The following WWP2 variants were observed in gnomAD, a reference collection of about 807,000 sequenced individuals.
WWP2 encodes NEDD4-like E3 ubiquitin-protein ligase WWP2.
A neutral mutation model predicts 121.0 loss-of-function variants in WWP2; 57 were observed. That is an observed-to-expected ratio of 0.47 (90% CI 0.38 to 0.59). WWP2 has a LOEUF of 0.59. Among genes scored for constraint, WWP2 ranks in the 20% least tolerant of loss-of-function variants. WWP2 has a pLI of 0.00. For synonymous variants in WWP2, 449 were observed against 441.3 expected, an observed-to-expected ratio of 1.02 and a Z score of -0.22; for missense variants, 962 against 1,158.9, an observed-to-expected ratio of 0.83 and a Z score of 2.47.
chr16:69,814,018 A>G (rs574997427), intron 4 of WWP2, among the ~76,000 whole-genome samples: 4 of 152,334 alleles, frequency 2.6e-5, no homozygotes, highest in African/African-American at 9.6e-5. Flanking sequence ...TGGCACAAGC[A>G]TCTCCAGGAA....
In WWP2 at chr16:69,871,719, A is replaced by C; in HGVS notation, c.576-85A>C. On this transcript the variant is annotated intron_variant, in intron 6 of 23. Transcript: ENST00000359154. ...CTTGTTTCCAATAAATGGCAGGAGA[A>C]GGGAATATGATGACTTAGGTAGGAA... 2.6e-6 allele frequency: 4 copies of C among 1,558,492 alleles called. No homozygotes were observed. In the South Asian group the frequency reaches 3.6e-5, roughly 14 times the overall value.
At chr16:69,900,218 G>A (rs950715590) in intron 8 of WWP2, among the ~76,000 whole-genome samples, 1 of 152,152 alleles carries the variant, frequency 6.6e-6, no homozygotes, top group Non-Finnish European at 1.5e-5. Flanking sequence ...ACATAATAAA[G>A]GTTTTTTGGC....
chr16:69,891,306 C>A (rs1446941014), intron 8 of WWP2, among the ~76,000 whole-genome samples: 4 of 152,148 alleles, frequency 2.6e-5, no homozygotes, highest in African/African-American at 9.7e-5. Flanking sequence ...AGTCAGGGGA[C>A]CAATGAGAGA....
At chr16:69,936,112 G>A in intron 18 of WWP2, 126 bp downstream of exon 18, 1 of 1,477,824 alleles carries the variant, frequency 6.8e-7, no homozygotes, top group East Asian at 2.3e-5. Flanking sequence ...GCCTCTATAA[G>A]AGCTTGTGGA....
intron 10 of WWP2, among the ~76,000 whole-genome samples, chr16:69,923,301 G>GGT (rs1054019334): frequency 2.1e-5 from 2 of 94,608 alleles, no homozygotes; most frequent in African/African-American, 7.3e-5. Context: ...GCTTCTTATA[G>GGT]GTGTGTGTGT....
chr16:69,848,027 A>G (rs866467702), intron 6 of WWP2, among the ~76,000 whole-genome samples: 8 of 152,200 alleles, frequency 5.3e-5, no homozygotes, highest in Middle Eastern at 3.2e-3. Context: ...AATCTCAGTA[A>G]AATTTCCATA....
At chr16:69,866,465 A>G (rs1176565116) in intron 6 of WWP2, among the ~76,000 whole-genome samples, 1 of 151,294 alleles carries the variant, frequency 6.6e-6, no homozygotes, top group African/African-American at 2.4e-5. Flanking sequence ...TTTCTTCCCT[A>G]TTTCCCCCTC....
At position 69,933,968 on chromosome 16, in the gene WWP2, A is replaced by G. The variant is rs1176962728; in HGVS notation, c.1683-2A>G. On this transcript the variant is annotated splice_acceptor_variant, in intron 16 of 23. Coordinates refer to ENST00000359154, the MANE Select transcript of WWP2 (RefSeq NM_001270454.2). LOFTEE classifies it high-confidence loss of function. Reference sequence around the variant, plus strand: ...TTGTCTTTTCTGTCTCTTCCCTCACAGAGAGTGGTTTTTCCTCCTGTCTCA... The same window carrying G: ...TTGTCTTTTCTGTCTCTTCCCTCACGGAGAGTGGTTTTTCCTCCTGTCTCA... 6.2e-7 allele frequency: 1 copy of G among 1,613,294 alleles called. No homozygotes were observed. The highest frequency in any genetic ancestry group is 2.2e-5 in the East Asian group (1 of 44,866).
chr16:69,790,896 T>G (rs2055895568), intron 2 of WWP2, among the ~76,000 whole-genome samples: 2 of 152,110 alleles, frequency 1.3e-5, no homozygotes, highest in Non-Finnish European at 2.9e-5. Flanking sequence ...ATCTTATATA[T>G]TTAAGGGCGG....
chr16:69,937,029 C>T lies in WWP2; in HGVS notation c.2118-89C>T, dbSNP rs558117037. On this transcript the variant is annotated intron_variant, in intron 19 of 23. Transcript: ENST00000359154. This position sits in a 1 kb window ranked among gnomAD's most constrained non-coding sequence, Gnocchi z 6.6. Reference sequence around the variant, plus strand: ...AAGTGGGCTCTGCTGATCTGGTGGTCCTGCGCGGTAACGGCCACGCGGCCT... The same window carrying T: ...AAGTGGGCTCTGCTGATCTGGTGGTTCTGCGCGGTAACGGCCACGCGGCCT... The T allele has an allele frequency of 3.3e-6, 5 of 1,518,218 alleles. No individual in the cohort carries two copies. The highest frequency in any genetic ancestry group is 1.4e-5 in the African/African-American group (1 of 73,096). The allele number at this position is 1,518,218 out of a possible 1,614,324, so 94.0% of individuals were successfully genotyped here.
intron 2 of WWP2, among the ~76,000 whole-genome samples, chr16:69,798,009 C>T (rs540483331): frequency 1.4e-4 from 21 of 152,338 alleles, no homozygotes; most frequent in African/African-American, 2.9e-4. Context: ...TGAGCCGCCA[C>T]GCCCGGCCTT....
At chr16:69,920,089 C>T (rs1187933810) in intron 10 of WWP2, among the ~76,000 whole-genome samples, 1 of 152,102 alleles carries the variant, frequency 6.6e-6, no homozygotes, top group African/African-American at 2.4e-5. Context: ...GTCACCACAC[C>T]CAGCTGATGG....
chr16:69,903,514 A>T (rs989860838), intron 8 of WWP2, among the ~76,000 whole-genome samples: 2 of 152,196 alleles, frequency 1.3e-5, no homozygotes, highest in East Asian at 3.8e-4. Context: ...CACACCTGCA[A>T]TCCCAGCACT....
intron 1 of WWP2, among the ~76,000 whole-genome samples, chr16:69,776,019 T>C (rs549056138): frequency 1.4e-4 from 22 of 152,328 alleles, no homozygotes; most frequent in African/African-American, 4.8e-4. Context: ...ATAGAGTGTA[T>C]GCCTTTCAGC....
intron 4 of WWP2, among the ~76,000 whole-genome samples, chr16:69,822,430 C>T (rs1203377967): frequency 3.3e-5 from 5 of 152,190 alleles, no homozygotes; most frequent in Admixed American, 1.3e-4. Context: ...AACAGAAAGT[C>T]GAACAAATGG....
Position 69,936,002 on chromosome 16 carries a change from C to A in WWP2, c.1976+16C>A. 3 of 1,612,600 alleles carry A rather than the reference C, an allele frequency of 1.9e-6. No individual in the cohort carries two copies. The highest frequency in any genetic ancestry group is 1.7e-6 in the Non-Finnish European group (2 of 1,179,388). On this transcript the variant is annotated intron_variant, in intron 18 of 23. Coordinates refer to ENST00000359154, the MANE Select transcript of WWP2 (RefSeq NM_001270454.2). ...TCTGGATCAAGTGAGTTCCCTGCCC[C>A]CTTGCCCCACCGCGCTGATAGGAGG...
Position 69,920,488 on chromosome 16 carries a change from G to T in WWP2, c.1179+2605G>T, listed in dbSNP as rs533508377. Among the ~76,000 whole-genome samples the T allele has an allele frequency of 2.0e-5, 3 of 152,234 alleles. No homozygotes were observed. In the South Asian group the frequency reaches 6.2e-4, roughly 32 times the overall value. On this transcript the variant is annotated intron_variant, in intron 10 of 23. Coordinates refer to ENST00000359154, the MANE Select transcript of WWP2 (RefSeq NM_001270454.2). ...GATTTTGCCTGCCATTTTCTTGGGT[G>T]GTTGTGGCTGCAAAACTGGGAAGGT...
intron 21 of WWP2, among the ~76,000 whole-genome samples, chr16:69,938,084 G>T (rs1474021078): frequency 1.3e-5 from 2 of 152,182 alleles, no homozygotes; most frequent in African/African-American, 4.8e-5. Flanking sequence ...AAAAAAAATA[G>T]CGATTACAGG....
At chr16:69,910,289 A>G (rs2151963384) in intron 9 of WWP2, 7 of 804,780 alleles carry the variant, frequency 8.7e-6, no homozygotes, top group Non-Finnish European at 1.1e-5. Flanking sequence ...TACCCAGTCA[A>G]TATTTGACTT....
Sources: gnomAD v4.1 joint callset for allele counts (sites outside exome capture counted in the v4.1 genomes callset) on GRCh38, gnomAD v4.1.1 for gene constraint, Gnocchi (gnomAD v3.1) non-coding constraint, MANE v1.5 for transcripts, NCBI Gene and HGNC (gene_info 2026-07-23, HGNC 2026-07-21) for gene names.